The following APLP2 variants were observed in gnomAD, a reference collection of about 807,000 sequenced individuals.
APLP2 encodes the protein amyloid beta precursor like protein 2, also known as CDEI box-binding protein.
APLP2 carries 53 observed loss-of-function variants against 89.9 expected under a neutral mutation model. The observed-to-expected ratio is 0.59, with a 90% CI of 0.47 to 0.74. The LOEUF is 0.74. APLP2 is among the 30% of genes least tolerant of loss of function. The probability of loss-of-function intolerance (pLI) is 0.00; values close to 1 mark genes in which losing one functional copy is unlikely to be tolerated. For synonymous variants in APLP2, 372 were observed against 348.6 expected (o/e 1.07, Z -0.75); for missense variants, 973 against 975.9 (o/e 1.00, Z 0.04).
At chr11:130,114,904 C>T (rs1311404934) in intron 3 of APLP2, among the ~76,000 whole-genome samples, 3 of 152,220 alleles carry the variant, frequency 2.0e-5, no homozygotes, top group African/African-American at 4.8e-5. Context: ...GTTGGCATAG[C>T]TCACTTTTCC....
At position 130,141,983 on chromosome 11, in the gene APLP2, T is replaced by C; in HGVS notation, c.2063T>C (p.Val688Ala). The C allele has an allele frequency of 8.1e-6, 13 of 1,614,104 alleles. No homozygotes were observed. The highest frequency in any genetic ancestry group is 1.1e-5 in the Non-Finnish European group (13 of 1,180,012). Residue 688 changes from valine (V) to alanine (A), a missense_variant, in exon 16 of 17, where the codon GTC becomes GCC. Transcript: ENST00000338167. The surrounding 1 kb of genome is among the most constrained non-coding windows in gnomAD (Gnocchi z 4.2). The stretch of plus-strand genomic sequence containing the variant: ...AGCAGTGCTCTCATTGGCCTGCTGG[T>C]CATCGCAGTGGCCATTGCCACGGTC... ...LSSSALIGLL[V>A]IAVAIATVIV... is the part of the protein sequence containing the mutation.
At chr11:130,074,235 A>G (rs1399746936) in intron 1 of APLP2, among the ~76,000 whole-genome samples, 2 of 151,890 alleles carry the variant, frequency 1.3e-5, no homozygotes, top group African/African-American at 2.4e-5. Context: ...TTCTTTTTTG[A>G]GTTGGAGTCT....
At chr11:130,073,554 C>G (rs1050221085) in intron 1 of APLP2, among the ~76,000 whole-genome samples, 1 of 152,118 alleles carries the variant, frequency 6.6e-6, no homozygotes, top group Non-Finnish European at 1.5e-5. Flanking sequence ...TTAGAAATAA[C>G]TTTAATCACC....
rs1380879500 is a variant in APLP2 at position 130,070,565 on chromosome 11, G to C, written c.105+483G>C. On this transcript the variant is annotated intron_variant, in intron 1 of 16. Transcript: ENST00000338167. ...CTCCCACCTGCGAGCGGCGGGCTTC[G>C]CCTTTGTTGCCAGGTGGACGCGGCC... 1.3e-5 allele frequency: 17 copies of C among 1,292,332 alleles called. No homozygotes were observed. The South Asian group carries it at 3.7e-4, about 28-fold the overall frequency. The allele number at this position is 1,292,332 out of a possible 1,614,324, so 80.1% of individuals were successfully genotyped here.
chr11:130,072,652 T>C (rs1239370777), intron 1 of APLP2, among the ~76,000 whole-genome samples: 1 of 152,008 alleles, frequency 6.6e-6, no homozygotes, highest in Non-Finnish European at 1.5e-5. Flanking sequence ...AATTTTTGTA[T>C]TTTTAGTAGA....
At chr11:130,104,408 AG>A (rs758172921) in intron 1 of APLP2, among the ~76,000 whole-genome samples, 8 of 151,798 alleles carry the variant, frequency 5.3e-5, no homozygotes, top group East Asian at 1.9e-4. Context: ...TAGTAGAGAC[AG>A]GGTTTCACCA....
chr11:130,091,626 C>T (rs1945242359), intron 1 of APLP2, among the ~76,000 whole-genome samples: 1 of 125,076 alleles, frequency 8.0e-6, no homozygotes, highest in Non-Finnish European at 1.7e-5. Flanking sequence ...GACGGGGTGG[C>T]TGGCCGGGCT....
intron 1 of APLP2, among the ~76,000 whole-genome samples, chr11:130,074,792 A>G (rs747027475): frequency 8.5e-5 from 13 of 152,208 alleles, no homozygotes; most frequent in Non-Finnish European, 1.5e-4. Context: ...GCACCTAACA[A>G]TGATTATTTC....
At chr11:130,081,344 A>G (rs1243343790) in intron 1 of APLP2, among the ~76,000 whole-genome samples, 1 of 152,198 alleles carries the variant, frequency 6.6e-6, no homozygotes, top group African/African-American at 2.4e-5. Context: ...AAACTATTGT[A>G]TGAACATTTT....
chr11:130,136,883 T>C (rs1335824486), intron 13 of APLP2, among the ~76,000 whole-genome samples: 1 of 152,170 alleles, frequency 6.6e-6, no homozygotes, highest in Non-Finnish European at 1.5e-5. Context: ...GCAGCTTGGA[T>C]ATACCTGAAC....
intron 1 of APLP2, among the ~76,000 whole-genome samples, chr11:130,081,445 A>C (rs1289143444): frequency 1.3e-5 from 2 of 152,190 alleles, no homozygotes; most frequent in Non-Finnish European, 2.9e-5. Flanking sequence ...CCCTCATTTT[A>C]TAAGGGTGAT....
At chr11:130,099,630 G>A (rs1373485502) in intron 1 of APLP2, among the ~76,000 whole-genome samples, 1 of 152,288 alleles carries the variant, frequency 6.6e-6, no homozygotes, top group Admixed American at 6.5e-5. Context: ...TAAACGTTTG[G>A]TGACTGAATT....
At chr11:130,110,450 T>A (rs1406515088) in intron 2 of APLP2, 88 bp from the exon 3 acceptor site, 1 of 1,510,840 alleles carries the variant, frequency 6.6e-7, no homozygotes, top group African/African-American at 1.4e-5. Flanking sequence ...GGGTGGAGGC[T>A]GAATAAACTT....
At chr11:130,071,186 G>T (rs1941017260) in intron 1 of APLP2, among the ~76,000 whole-genome samples, 1 of 150,550 alleles carries the variant, frequency 6.6e-6, no homozygotes, top group Admixed American at 6.6e-5. Flanking sequence ...GATTTGATTG[G>T]GCATTAATTG....
intron 3 of APLP2, chr11:130,114,381 CT>C (rs1948942657): frequency 6.6e-6 from 1 of 152,132 alleles, no homozygotes; most frequent in Non-Finnish European, 1.5e-5. Context: ...TTCTGTGATC[CT>C]TTTGATTTAT....
chr11:130,126,771 G>T lies in APLP2; in HGVS notation c.1162G>T (p.Ala388Ser), dbSNP rs763245621. The change falls in exon 8 of 17, where the codon GCT becomes TCT. Residue 388 changes from alanine to serine, a missense_variant. Physicochemically the swap from Ala to Ser is moderately conservative, Grantham distance 99. Transcript: ENST00000338167. ...GACCTCTGCAGATGATAATGAGCATGCTCGCTTCCAGAAGGCTAAGGAGCA... is the reference window on the plus strand; with the variant it reads ...GACCTCTGCAGATGATAATGAGCATTCTCGCTTCCAGAAGGCTAAGGAGCA... ...FETSADDNEH[A>S]RFQKAKEQLE... 3 of 1,614,214 alleles carry T rather than the reference G, an allele frequency of 1.9e-6. No homozygotes were observed. Among genetic ancestry groups the T allele is most frequent in the East Asian group, 4.5e-5 (2 of 44,888 alleles).
In APLP2 at chr11:130,141,616, G is replaced by A; in HGVS notation, c.1998+44G>A. On this transcript the variant is annotated intron_variant, in intron 15 of 16. Coordinates refer to ENST00000338167, the MANE Select transcript of APLP2 (RefSeq NM_001142276.2). The surrounding 1 kb of genome is among the most constrained non-coding windows in gnomAD (Gnocchi z 4.2). ...AACCTAAGGTTTCCTGCCAATCTTA[G>A]GTATTTCTCCTCTGGACCTTCTCAG... 1.3e-6 allele frequency: 2 copies of A among 1,559,260 alleles called. No individual in the cohort carries two copies. Among genetic ancestry groups the A allele is most frequent in the Non-Finnish European group, 1.8e-6 (2 of 1,130,892 alleles).
rs562253280 is a variant in APLP2, at chr11:130,106,983, G to A, written c.106-2446G>A. On this transcript the variant is annotated intron_variant, in intron 1 of 16. Coordinates refer to ENST00000338167, the MANE Select transcript of APLP2 (RefSeq NM_001142276.2). ...ATTACAGGTGTGAGCCACCGCGCCC[G>A]GCCCAGATTCCTTTTTTATGTGCTT... Among the ~76,000 whole-genome samples, 56 of 152,070 alleles carry A rather than the reference G, an allele frequency of 3.7e-4. 1 individual carries two copies. The highest frequency in any genetic ancestry group is 6.2e-4 in the Non-Finnish European group (42 of 68,014).
At chr11:130,115,230 G>C (rs1482706430) in intron 3 of APLP2, among the ~76,000 whole-genome samples, 1 of 151,914 alleles carries the variant, frequency 6.6e-6, no homozygotes, top group Non-Finnish European at 1.5e-5. Context: ...TTTAATTTTT[G>C]TGGGTATATA....
Sources: gnomAD v4.1 joint callset for allele counts (sites outside exome capture counted in the v4.1 genomes callset) on GRCh38, gnomAD v4.1.1 for gene constraint, Gnocchi (gnomAD v3.1) non-coding constraint, MANE v1.5 for transcripts, NCBI Gene and HGNC (gene_info 2026-07-23, HGNC 2026-07-21) for gene names.